Variants in ADCY2 observed in about 807,000 individuals in gnomAD.
ADCY2 encodes adenylate cyclase 2.
Under a neutral mutation model 125.2 loss-of-function variants are expected in ADCY2, and 31 were observed. That is an observed-to-expected ratio of 0.25 (90% CI 0.19 to 0.33). The LOEUF (loss-of-function observed/expected upper bound fraction) is 0.33. ADCY2 is among the 10% of genes least tolerant of loss of function. ADCY2 has a pLI of 1.00. For synonymous variants in ADCY2, 512 were observed against 548.4 expected, an observed-to-expected ratio of 0.93 and a Z score of 0.93; for missense variants, 904 against 1,418.2, an observed-to-expected ratio of 0.64 and a Z score of 5.82.
At chr5:7,542,066 C>T (rs922854440) in intron 3 of ADCY2, among the ~76,000 whole-genome samples, 1 of 152,106 alleles carries the variant, frequency 6.6e-6, no homozygotes, top group Non-Finnish European at 1.5e-5. Flanking sequence ...AAGGACATGT[C>T]GCCCCTTCTA....
In ADCY2 at chr5:7,603,784, C is replaced by CTTTTTTTT; in HGVS notation, c.571-22365_571-22358dup. On this transcript the variant is annotated intron_variant, in intron 3 of 24. Coordinates refer to ENST00000338316, the MANE Select transcript of ADCY2 (RefSeq NM_020546.3). ...AAAATTCTGGGGTAATGCTCTCTTT[C>CTTTTTTTT]TTTTTTTTTTTTTTTTTTTTTTTTT... is the stretch of plus-strand genomic sequence containing the variant. Among the ~76,000 whole-genome samples the CTTTTTTTT allele has an allele frequency of 6.9e-3, 431 of 62,758 alleles. 1 individual carries two copies. The highest frequency in any genetic ancestry group is 9.7e-3 in the African/African-American group (142 of 14,598). 41.2% of individuals were successfully genotyped at this position (62,758 alleles called of 152,430 possible).
chr5:7,707,790 A>G lies in ADCY2; in HGVS notation c.1353A>G (p.Pro451=), dbSNP rs773392259. The part of the protein sequence containing the change: ...VEEGDGDIRD[P]YLKQHLVKTY... ...AGGGAGATGGTGACATTAGGGACCC[A>G]TATTTAAAACAGCACCTGGTGAAAA... The change falls in exon 9 of 25, where the codon CCA becomes CCG. Residue 451 remains proline (P), a synonymous_variant. Transcript: ENST00000338316. The G allele has an allele frequency of 6.2e-7, 1 of 1,614,166 alleles. No individual in the cohort carries two copies. The highest frequency in any genetic ancestry group is 1.1e-5 in the South Asian group (1 of 91,080).
chr5:7,499,687 A>G (rs553662462), intron 2 of ADCY2, among the ~76,000 whole-genome samples: 207 of 142,082 alleles, frequency 1.5e-3, no homozygotes, highest in Admixed American at 3.1e-3. Flanking sequence ...ATATATGTAT[A>G]TATATGTGTA....
At chr5:7,534,049 C>T (rs1032717) in intron 3 of ADCY2, among the ~76,000 whole-genome samples, 30,528 of 152,166 alleles carry the variant, frequency 0.2, 3,422 homozygotes, top group South Asian at 0.34. Flanking sequence ...GGAGTCCAGC[C>T]TCCTGAGTCT....
At chr5:7,452,138 C>G (rs938342214) in intron 2 of ADCY2, among the ~76,000 whole-genome samples, 2 of 152,148 alleles carry the variant, frequency 1.3e-5, no homozygotes, top group Admixed American at 6.5e-5. Context: ...GTCTCGAACT[C>G]CTGACCTCAG....
intron 5 of ADCY2, among the ~76,000 whole-genome samples, chr5:7,692,731 T>A (rs1247420283): frequency 6.6e-6 from 1 of 152,220 alleles, no homozygotes; most frequent in Non-Finnish European, 1.5e-5. Context: ...CCCATCCCTT[T>A]GTCTCATGAC....
intron 22 of ADCY2, among the ~76,000 whole-genome samples, chr5:7,811,435 A>G (rs1744939064): frequency 6.6e-6 from 1 of 151,570 alleles, no homozygotes. Flanking sequence ...CGGGAGGCGG[A>G]GCTTGCAGTA....
At chr5:7,601,996 G>A (rs148985343) in intron 3 of ADCY2, among the ~76,000 whole-genome samples, 10 of 152,230 alleles carry the variant, frequency 6.6e-5, no homozygotes, top group South Asian at 2.1e-4. Context: ...CCAGCTTCTG[G>A]TGATGCTGGG....
At chr5:7,577,904 C>T (rs1314573200) in intron 3 of ADCY2, among the ~76,000 whole-genome samples, 3 of 152,128 alleles carry the variant, frequency 2.0e-5, no homozygotes, top group African/African-American at 4.8e-5. Flanking sequence ...ACCAACGCAG[C>T]GAAATGGGCA....
At chr5:7,531,680 G>A (rs1734649004) in intron 3 of ADCY2, among the ~76,000 whole-genome samples, 1 of 152,102 alleles carries the variant, frequency 6.6e-6, no homozygotes, top group Admixed American at 6.6e-5. Flanking sequence ...GTCTTCACGT[G>A]TCCTTCTTCT....
intron 4 of ADCY2, among the ~76,000 whole-genome samples, chr5:7,634,651 G>A (rs1738430956): frequency 6.6e-6 from 1 of 151,508 alleles, no homozygotes; most frequent in Admixed American, 6.6e-5. Flanking sequence ...GTTAAATACA[G>A]GATTATACAA....
intron 2 of ADCY2, among the ~76,000 whole-genome samples, chr5:7,426,899 T>C (rs1740407828): frequency 6.6e-6 from 1 of 152,146 alleles, no homozygotes; most frequent in Non-Finnish European, 1.5e-5. Context: ...AGAGAAAAGC[T>C]TTGCCAAGAG....
intron 4 of ADCY2, among the ~76,000 whole-genome samples, chr5:7,664,341 A>G (rs771106292): frequency 6.6e-6 from 1 of 152,216 alleles, no homozygotes; most frequent in Admixed American, 6.5e-5. Context: ...CGTTTTTACA[A>G]TAAGACTCTC....
intron 7 of ADCY2, among the ~76,000 whole-genome samples, chr5:7,699,715 G>A (rs1332200360): frequency 1.3e-5 from 2 of 152,126 alleles, no homozygotes; most frequent in African/African-American, 4.8e-5. Context: ...AGCTTCCCAA[G>A]TAGCTGGGAC....
At chr5:7,702,225 CTTTTTTTTTT>C (rs67174135) in intron 7 of ADCY2, among the ~76,000 whole-genome samples, 1 of 131,166 alleles carries the variant, frequency 7.6e-6, no homozygotes, top group East Asian at 2.2e-4. Context: ...AACCCTGTTT[CTTTTTTTTTT>C]TTTTTTTTTA....
At chr5:7,536,581 A>T (rs1331659398) in intron 3 of ADCY2, among the ~76,000 whole-genome samples, 2 of 152,158 alleles carry the variant, frequency 1.3e-5, no homozygotes, top group East Asian at 1.9e-4. Flanking sequence ...TCAATATATC[A>T]TTGCAAATTA....
intron 2 of ADCY2, among the ~76,000 whole-genome samples, chr5:7,516,302 A>C (rs1380717621): frequency 6.6e-6 from 1 of 152,228 alleles, no homozygotes; most frequent in Non-Finnish European, 1.5e-5. Context: ...GCAGAGTATT[A>C]TATATAAAAG....
intron 2 of ADCY2, among the ~76,000 whole-genome samples, chr5:7,495,254 T>C (rs1437045036): frequency 6.6e-6 from 1 of 152,202 alleles, no homozygotes; most frequent in Non-Finnish European, 1.5e-5. Flanking sequence ...TAAAAGGAGT[T>C]AAATTGGCTT....
intron 3 of ADCY2, among the ~76,000 whole-genome samples, chr5:7,524,706 G>A (rs1734395699): frequency 6.6e-6 from 1 of 152,126 alleles, no homozygotes. Flanking sequence ...CTGCATCTTT[G>A]GCAAGAATCA....
Sources: allele counts gnomAD v4.1 joint callset (sites outside exome capture counted in the v4.1 genomes callset), GRCh38; gene constraint gnomAD v4.1.1; transcripts MANE v1.5; gene names NCBI Gene and HGNC (gene_info 2026-07-23, HGNC 2026-07-21).